Variants in ROBO2 observed in about 807,000 individuals in gnomAD.
ROBO2 encodes the protein roundabout homolog 2.
Under a neutral mutation model 160.8 loss-of-function variants are expected in ROBO2, and 53 were observed. The ratio of observed to expected loss-of-function variants is 0.33; its 90% CI spans 0.26 to 0.41. The LOEUF is 0.41. Ranked by LOEUF, ROBO2 falls within the 10% of genes least tolerant of loss-of-function variation. ROBO2 has a pLI of 1.00. For synonymous variants in ROBO2, 664 were observed against 611.7 expected (o/e 1.09, Z -1.26); for missense variants, 1,577 against 1,722.4 (o/e 0.92, Z 1.49).
At chr3:76,321,139 C>T (rs1253473506) in intron 2 of ROBO2, among the ~76,000 whole-genome samples, 3 of 152,080 alleles carry the variant, frequency 2.0e-5, no homozygotes, top group African/African-American at 4.8e-5. Context: ...TATGCATCTC[C>T]AGTTCCTAGG....
Position 77,371,697 on chromosome 3 carries a change from A to T in ROBO2, c.389-105717A>T, listed in dbSNP as rs546776776. Among the ~76,000 whole-genome samples the T allele has an allele frequency of 9.8e-5, 15 of 152,330 alleles. 1 individual carries two copies. The highest frequency in any genetic ancestry group is 3.4e-4 in the African/African-American group (14 of 41,594). ...AATACATTTACTGTTCTATAGCTACATAACACTTTATTCTTGTGAAAGTTT... is the reference window on the plus strand; with the variant it reads ...AATACATTTACTGTTCTATAGCTACTTAACACTTTATTCTTGTGAAAGTTT... On this transcript the variant is annotated intron_variant, in intron 2 of 25. Coordinates refer to ENST00000461745, the Ensembl canonical transcript of ROBO2.
intron 2 of ROBO2, among the ~76,000 whole-genome samples, chr3:76,736,171 AC>A (rs1159545720): frequency 2.0e-5 from 3 of 151,464 alleles, no homozygotes; most frequent in Non-Finnish European, 4.4e-5. Flanking sequence ...AGTCCCAGCT[AC>A]TCGGGAGGCT....
At chr3:76,528,838 G>T (rs985708533) in intron 2 of ROBO2, among the ~76,000 whole-genome samples, 1 of 152,094 alleles carries the variant, frequency 6.6e-6, no homozygotes, top group Non-Finnish European at 1.5e-5. Flanking sequence ...GAAACAACTG[G>T]AGATACTAAG....
At chr3:76,251,324 G>T (rs1396642603) in intron 2 of ROBO2, among the ~76,000 whole-genome samples, 2 of 152,032 alleles carry the variant, frequency 1.3e-5, no homozygotes, top group Non-Finnish European at 2.9e-5. Context: ...TGAAATGAAA[G>T]AGCCAGATGT....
chr3:77,498,215 C>T (rs957844811), intron 5 of ROBO2, among the ~76,000 whole-genome samples: 2 of 152,070 alleles, frequency 1.3e-5, no homozygotes, highest in Non-Finnish European at 2.9e-5. Flanking sequence ...TAAACTAACT[C>T]TAAAGTGACA....
chr3:76,398,026 G>A (rs1262448203), intron 2 of ROBO2, among the ~76,000 whole-genome samples: 9 of 152,060 alleles, frequency 5.9e-5, no homozygotes, highest in African/African-American at 7.2e-5. Flanking sequence ...ACATGTACAC[G>A]TATGTTTATT....
intron 1 of ROBO2, among the ~76,000 whole-genome samples, chr3:77,045,311 T>G (rs1265264615): frequency 6.6e-6 from 1 of 152,158 alleles, no homozygotes; most frequent in African/African-American, 2.4e-5. Context: ...CAATCCTTAG[T>G]GTTTTCTCCT....
At chr3:77,090,413 G>A (rs546741653) in intron 1 of ROBO2, among the ~76,000 whole-genome samples, 1 of 130,638 alleles carries the variant, frequency 7.7e-6, no homozygotes, top group East Asian at 2.2e-4. Flanking sequence ...GAGTGCAGTG[G>A]CGCGATCTCG....
intron 2 of ROBO2, among the ~76,000 whole-genome samples, chr3:76,953,960 A>G: frequency 6.6e-6 from 1 of 152,220 alleles, no homozygotes; most frequent in East Asian, 1.9e-4. Context: ...AATTCCATAT[A>G]GCTGTAGCCT....
At chr3:77,528,233 A>C (rs531179627) in intron 6 of ROBO2, among the ~76,000 whole-genome samples, 1 of 151,800 alleles carries the variant, frequency 6.6e-6, no homozygotes, top group Non-Finnish European at 1.5e-5. Flanking sequence ...GAATAGATGG[A>C]TGCATAAATG....
chr3:77,584,888 A>ATGTGTG (rs1207576980), intron 16 of ROBO2, among the ~76,000 whole-genome samples: 2 of 85,588 alleles, frequency 2.3e-5, no homozygotes, highest in African/African-American at 9.5e-5. Context: ...TTATATATAT[A>ATGTGTG]TGTATGTGTG....
chr3:75,962,440 G>A (rs556088381), intron 2 of ROBO2, among the ~76,000 whole-genome samples: 8 of 151,930 alleles, frequency 5.3e-5, no homozygotes, highest in South Asian at 2.1e-4. Context: ...TAGATATAAC[G>A]TGTTTAACTT....
chr3:77,262,529 T>C (rs1381331805), intron 2 of ROBO2, among the ~76,000 whole-genome samples: 1 of 152,020 alleles, frequency 6.6e-6, no homozygotes, highest in African/African-American at 2.4e-5. Flanking sequence ...TTGTAAGTAA[T>C]ATATTACAAC....
intron 2 of ROBO2, among the ~76,000 whole-genome samples, chr3:77,205,383 G>A (rs1436220156): frequency 1.3e-5 from 2 of 151,906 alleles, no homozygotes. Flanking sequence ...TCAGCTTTGT[G>A]TTCACACTCC....
At chr3:75,915,234 G>T (rs1280306617) in intron 1 of ROBO2, among the ~76,000 whole-genome samples, 2 of 152,172 alleles carry the variant, frequency 1.3e-5, no homozygotes, top group Non-Finnish European at 2.9e-5. Flanking sequence ...CTTACAGAAA[G>T]AAATGATGGC....
intron 2 of ROBO2, among the ~76,000 whole-genome samples, chr3:76,805,220 G>A (rs1010326569): frequency 2.6e-5 from 4 of 151,844 alleles, no homozygotes; most frequent in South Asian, 2.1e-4. Context: ...CAATACAAGC[G>A]CCTTCCCTTT....
intron 2 of ROBO2, among the ~76,000 whole-genome samples, chr3:76,663,875 G>A (rs1359760965): frequency 1.3e-5 from 2 of 151,756 alleles, no homozygotes; most frequent in East Asian, 3.9e-4. Context: ...CTGCACTTCT[G>A]CCTGGCAACA....
In ROBO2 at chr3:76,917,137, A is replaced by C. The variant is rs567934593; in HGVS notation, c.110-180877A>C. 1.8e-4 allele frequency among the ~76,000 whole-genome samples: 27 copies of C among 152,278 alleles called. 1 individual carries two copies. In the South Asian group the frequency reaches 5.6e-3, roughly 32 times the overall value. ...GTGGTATCCGTACCCGGAGGGGAGA[A>C]TGCTGCTGCTTGGCATCAGTGCAAT... On this transcript the variant is annotated intron_variant, in intron 2 of 26. Coordinates refer to the ROBO2 transcript ENST00000487694.
chr3:77,305,320 G>T (rs2063009706), intron 2 of ROBO2, among the ~76,000 whole-genome samples: 1 of 152,188 alleles, frequency 6.6e-6, no homozygotes, highest in Non-Finnish European at 1.5e-5. Flanking sequence ...CTGCCCTTTT[G>T]GTAGCATTCT....
Sources: allele counts gnomAD v4.1 joint callset (sites outside exome capture counted in the v4.1 genomes callset), GRCh38; gene constraint gnomAD v4.1.1; transcripts MANE v1.5; gene names NCBI Gene and HGNC (gene_info 2026-07-23, HGNC 2026-07-21).